The following ASIC2 variants were observed in gnomAD, a reference collection of about 807,000 sequenced individuals.
ASIC2 encodes the protein acid-sensing ion channel 2.
In ASIC2, 25 loss-of-function variants were observed where a neutral mutation model predicts 57.3. The ratio of observed to expected loss-of-function variants is 0.44; its 90% CI spans 0.32 to 0.61. The LOEUF (loss-of-function observed/expected upper bound fraction) is 0.61, where lower values mean the gene tolerates loss of function less well. Among genes scored for constraint, ASIC2 ranks in the 20% least tolerant of loss-of-function variants. ASIC2 has a pLI of 0.06. For synonymous variants in ASIC2, 319 were observed against 307.5 expected, an observed-to-expected ratio of 1.04 and a Z score of -0.39; for missense variants, 641 against 738.1, an observed-to-expected ratio of 0.87 and a Z score of 1.52.
At chr17:34,122,182 A>G (rs1361409715) in intron 1 of ASIC2, among the ~76,000 whole-genome samples, 1 of 152,216 alleles carries the variant, frequency 6.6e-6, no homozygotes, top group African/African-American at 2.4e-5. Flanking sequence ...TGCTTGCATC[A>G]TTTCATTTCC....
At chr17:33,048,443 C>G (rs1004422584) in intron 3 of ASIC2, among the ~76,000 whole-genome samples, 1 of 152,166 alleles carries the variant, frequency 6.6e-6, no homozygotes, top group South Asian at 2.1e-4. Flanking sequence ...CCAGCGAGCT[C>G]ACACTTGAAC....
intron 1 of ASIC2, among the ~76,000 whole-genome samples, chr17:33,852,050 G>T (rs543001514): frequency 6.6e-6 from 1 of 152,214 alleles, no homozygotes; most frequent in African/African-American, 2.4e-5. Context: ...GGCCTGCGCT[G>T]CTTCACTTGG....
intron 1 of ASIC2, among the ~76,000 whole-genome samples, chr17:33,915,915 G>T (rs996553284): frequency 1.3e-5 from 2 of 152,164 alleles, no homozygotes; most frequent in African/African-American, 4.8e-5. Context: ...GCCCCGTGGG[G>T]ACACTCAAGA....
chr17:33,456,867 TGGGGATAGTACGA>T (rs1196010118), intron 1 of ASIC2, among the ~76,000 whole-genome samples: 5 of 152,298 alleles, frequency 3.3e-5, no homozygotes, highest in Admixed American at 1.3e-4. Flanking sequence ...ATCTGTAAAA[TGGGGATAGTACGA>T]GTACTCAACA....
intron 1 of ASIC2, among the ~76,000 whole-genome samples, chr17:33,829,176 T>A (rs1164723414): frequency 6.6e-6 from 1 of 151,896 alleles, no homozygotes; most frequent in Non-Finnish European, 1.5e-5. Context: ...AAGGGTGGGG[T>A]TTGAGGGTAA....
At chr17:33,985,113 T>C (rs16969071) in intron 1 of ASIC2, among the ~76,000 whole-genome samples, 32,668 of 152,124 alleles carry the variant, frequency 0.21, 3,839 homozygotes, top group African/African-American at 0.29. Flanking sequence ...AGAATTTTAA[T>C]TGAAGCCTCA....
intron 1 of ASIC2, among the ~76,000 whole-genome samples, chr17:33,505,973 T>A (rs1914237798): frequency 6.6e-6 from 1 of 152,204 alleles, no homozygotes; most frequent in Admixed American, 6.5e-5. Context: ...TTTTTAAAAA[T>A]CTCTGCATAT....
intron 1 of ASIC2, among the ~76,000 whole-genome samples, chr17:33,344,575 C>T (rs746107662): frequency 6.6e-6 from 1 of 152,130 alleles, no homozygotes; most frequent in Non-Finnish European, 1.5e-5. Context: ...CTTCAGTTTC[C>T]TTGTCTGTAA....
intron 1 of ASIC2, among the ~76,000 whole-genome samples, chr17:33,973,763 C>T (rs1322974625): frequency 1.3e-5 from 2 of 151,626 alleles, no homozygotes; most frequent in Non-Finnish European, 2.9e-5. Flanking sequence ...TAGGATTTGG[C>T]CTAGATTGCA....
At chr17:34,063,901 C>T (rs1450825032) in intron 1 of ASIC2, among the ~76,000 whole-genome samples, 1 of 152,184 alleles carries the variant, frequency 6.6e-6, no homozygotes, top group Non-Finnish European at 1.5e-5. Context: ...GAAACACATT[C>T]CATGCTCATG....
intron 1 of ASIC2, among the ~76,000 whole-genome samples, chr17:33,969,989 C>T (rs1278275275): frequency 6.6e-6 from 1 of 152,174 alleles, no homozygotes; most frequent in Non-Finnish European, 1.5e-5. Context: ...CACACAGCTG[C>T]CGGTACCATT....
intron 1 of ASIC2, among the ~76,000 whole-genome samples, chr17:33,369,464 G>C (rs897050016): frequency 5.3e-5 from 8 of 152,164 alleles, no homozygotes; most frequent in African/African-American, 1.7e-4. Flanking sequence ...TTCCCTTTTT[G>C]TAAATGGGAA....
At chr17:33,435,613 C>T (rs925185628) in intron 1 of ASIC2, among the ~76,000 whole-genome samples, 2 of 152,076 alleles carry the variant, frequency 1.3e-5, no homozygotes, top group African/African-American at 2.4e-5. Flanking sequence ...ATAAAGGGGA[C>T]GGATCAAGCA....
At chr17:33,709,705 T>C (rs1465682907) in intron 1 of ASIC2, among the ~76,000 whole-genome samples, 2 of 152,238 alleles carry the variant, frequency 1.3e-5, no homozygotes, top group East Asian at 1.9e-4. Context: ...GATGATCAGT[T>C]AAGGGATTTA....
At chr17:34,022,356 G>A (rs1011403487) in intron 1 of ASIC2, among the ~76,000 whole-genome samples, 5 of 152,176 alleles carry the variant, frequency 3.3e-5, no homozygotes, top group East Asian at 3.9e-4. Context: ...CCCAGGGTAC[G>A]GTTTTGGACA....
At chr17:33,452,738 G>GTGTGTGT (rs1912298570) in intron 1 of ASIC2, among the ~76,000 whole-genome samples, 1 of 140,408 alleles carries the variant, frequency 7.1e-6, no homozygotes, top group Non-Finnish European at 1.5e-5. Context: ...AACAGAGTGG[G>GTGTGTGT]GTGTGTGTGT....
chr17:33,575,645 A>G (rs564954064), intron 1 of ASIC2, among the ~76,000 whole-genome samples: 2 of 152,322 alleles, frequency 1.3e-5, no homozygotes, highest in Admixed American at 1.3e-4. Context: ...ACGGAGATAA[A>G]TGTTAACCCA....
intron 1 of ASIC2, among the ~76,000 whole-genome samples, chr17:33,837,266 G>A (rs889252257): frequency 2.0e-5 from 3 of 152,182 alleles, no homozygotes; most frequent in Admixed American, 6.5e-5. Context: ...AGTCCCGAAG[G>A]CCTAAGGTCT....
intron 3 of ASIC2, among the ~76,000 whole-genome samples, chr17:33,033,940 G>A (rs1157576943): frequency 6.6e-6 from 1 of 152,148 alleles, no homozygotes; most frequent in Non-Finnish European, 1.5e-5. Flanking sequence ...GGGACAGGAC[G>A]ACCAGCTGCA....
Sources: allele counts gnomAD v4.1 joint callset (sites outside exome capture counted in the v4.1 genomes callset), GRCh38; gene constraint gnomAD v4.1.1; transcripts MANE v1.5; gene names NCBI Gene and HGNC (gene_info 2026-07-23, HGNC 2026-07-21).